Variants in CNOT6L observed in about 807,000 individuals in gnomAD.
CNOT6L encodes the protein CCR4-NOT transcription complex subunit 6 like.
CNOT6L carries 7 observed loss-of-function variants against 64.0 expected under a neutral mutation model. The observed-to-expected ratio is 0.11, with a 90% CI of 0.06 to 0.21. The LOEUF (loss-of-function observed/expected upper bound fraction) is 0.21, where lower values mean the gene tolerates loss of function less well. Among genes scored for constraint, CNOT6L ranks in the 10% least tolerant of loss-of-function variants. The pLI, the probability that CNOT6L is intolerant of heterozygous loss-of-function variation, is 1.00. For missense variants in CNOT6L, 245 were observed against 669.0 expected (o/e 0.37, Z 6.99); for synonymous variants, 193 against 243.4 (o/e 0.79, Z 1.93).
intron 1 of CNOT6L, among the ~76,000 whole-genome samples, chr4:77,789,869 T>A (rs1302509941): frequency 6.7e-6 from 1 of 148,996 alleles, no homozygotes; most frequent in Admixed American, 6.8e-5. Context: ...GGGGATTGCT[T>A]GAGCCCAAGA....
intron 5 of CNOT6L, among the ~76,000 whole-genome samples, chr4:77,752,451 T>C (rs1724961240): frequency 6.6e-6 from 1 of 152,172 alleles, no homozygotes; most frequent in Admixed American, 6.6e-5. Flanking sequence ...TCTTCTCAAG[T>C]GCATACTTAA....
At chr4:77,771,233 A>C (rs888366473) in intron 4 of CNOT6L, among the ~76,000 whole-genome samples, 2 of 152,176 alleles carry the variant, frequency 1.3e-5, no homozygotes, top group African/African-American at 4.8e-5. Context: ...GAATCACTTG[A>C]ACCTGGGAGG....
chr4:77,789,945 CAAAAAAAAAAAAAAAAAAAA>C lies in CNOT6L; in HGVS notation c.6-13573_6-13554del, dbSNP rs58242121. On this transcript the variant is annotated intron_variant, in intron 1 of 11. Transcript: ENST00000504123. ...TAAGCGACAAAGCAAGACACTGTCT[CAAAAAAAAAAAAAAAAAAAA>C]AAAAAAAAAAAAAAATTCATTCCCA... Among the ~76,000 whole-genome samples, 705 of 83,342 alleles carry C rather than the reference CAAAAAAAAAAAAAAAAAAAA, an allele frequency of 8.5e-3. 8 individuals are homozygous for C. The highest frequency in any genetic ancestry group is 8.0e-3 in the Non-Finnish European group (346 of 43,262). 54.7% of individuals were successfully genotyped at this position (83,342 alleles called of 152,430 possible). A position where few individuals can be genotyped will look rare whatever the true frequency, so the allele number is the denominator to read the frequency against.
In CNOT6L at chr4:77,727,028, CA is replaced by C. The variant is rs200622416; in HGVS notation, c.1253-660del. Among the ~76,000 whole-genome samples, 822 of 152,236 alleles carry C rather than the reference CA, an allele frequency of 5.4e-3. 4 individuals carry two copies. Among genetic ancestry groups the C allele is most frequent in the Admixed American group, 0.011 (169 of 15,288 alleles). ...TCCACTGAATTAGCAAACATGAAAA[CA>C]GTATCAAAACCCTTATGATGATTAG... On this transcript the variant is annotated intron_variant, in intron 10 of 11. Coordinates refer to ENST00000504123, the MANE Select transcript of CNOT6L (RefSeq NM_144571.3).
intron 1 of CNOT6L, among the ~76,000 whole-genome samples, chr4:77,810,037 A>T (rs1732736719): frequency 6.6e-6 from 1 of 152,126 alleles, no homozygotes; most frequent in Non-Finnish European, 1.5e-5. Context: ...TTGTATCTGT[A>T]TCAAAATTTT....
intron 1 of CNOT6L, among the ~76,000 whole-genome samples, chr4:77,779,494 ATTC>A (rs1728603211): frequency 6.6e-6 from 1 of 152,098 alleles, no homozygotes; most frequent in African/African-American, 2.4e-5. Flanking sequence ...CTATTTTTTA[ATTC>A]TTCATGTTTC....
Position 77,753,182 on chromosome 4 carries a change from T to G in CNOT6L, c.490+3680A>C, listed in dbSNP as rs938043016. ...AGAAATTAAATCAGTAATTTAAAAC[T>G]TCCTACCAGAAAAAAAAAAAAAACC... On this transcript the variant is annotated intron_variant, in intron 5 of 11. Transcript: ENST00000504123. 3.2e-4 allele frequency among the ~76,000 whole-genome samples: 45 copies of G among 140,718 alleles called. 1 individual carries two copies. The highest frequency in any genetic ancestry group is 1.1e-3 in the African/African-American group (42 of 39,118). 92.3% of individuals were successfully genotyped at this position (140,718 alleles called of 152,430 possible).
chr4:77,815,865 G>GAACTGTCATGAAAGCAAGTA (rs1376889801), intron 1 of CNOT6L, among the ~76,000 whole-genome samples: 1 of 152,082 alleles, frequency 6.6e-6, no homozygotes, highest in African/African-American at 2.4e-5. Flanking sequence ...ACCTGCACTG[G>GAACTGTCATGAAAGCAAGTA]AACTGTCATG....
chr4:77,763,468 A>G (rs1206246773), intron 4 of CNOT6L, among the ~76,000 whole-genome samples: 1 of 152,122 alleles, frequency 6.6e-6, no homozygotes, highest in Non-Finnish European at 1.5e-5. Context: ...GATTATAACA[A>G]TATTAAGTGG....
chr4:77,816,249 C>G (rs898865442), intron 1 of CNOT6L, among the ~76,000 whole-genome samples: 1 of 151,976 alleles, frequency 6.6e-6, no homozygotes, highest in African/African-American at 2.4e-5. Context: ...AATGTTCTTC[C>G]CAATTCTCCC....
intron 4 of CNOT6L, among the ~76,000 whole-genome samples, chr4:77,762,388 A>C (rs1167806420): frequency 6.6e-6 from 1 of 152,180 alleles, no homozygotes; most frequent in African/African-American, 2.4e-5. Context: ...GGGACAGAAT[A>C]GTGTGTTTAG....
intron 8 of CNOT6L, among the ~76,000 whole-genome samples, chr4:77,740,274 G>C (rs1386895139): frequency 6.6e-6 from 1 of 151,950 alleles, no homozygotes; most frequent in Non-Finnish European, 1.5e-5. Context: ...AGGGTGCTGA[G>C]GTGACAGAAT....
Position 77,726,376 on chromosome 4 carries a change from G to T in CNOT6L, c.1253-7C>A. 6.2e-7 allele frequency: 1 copy of T among 1,601,608 alleles called. No individual in the cohort carries two copies. The highest frequency in any genetic ancestry group is 8.5e-7 in the Non-Finnish European group (1 of 1,170,784). On this transcript the variant is annotated splice_region_variant and splice_polypyrimidine_tract_variant and intron_variant, in intron 10 of 11. Coordinates refer to ENST00000504123, the MANE Select transcript of CNOT6L (RefSeq NM_144571.3). Reference sequence around the variant, plus strand: ...CTTAAGTATTCCACAACACCTGGTAGAATAAAGAAGAGACACTTCCATTTA... The same window carrying T: ...CTTAAGTATTCCACAACACCTGGTATAATAAAGAAGAGACACTTCCATTTA...
At chr4:77,816,008 A>T (rs1733531962) in intron 1 of CNOT6L, among the ~76,000 whole-genome samples, 1 of 152,256 alleles carries the variant, frequency 6.6e-6, no homozygotes, top group South Asian at 2.1e-4. Context: ...ACATACAGAA[A>T]TTCCTAAGTA....
intron 1 of CNOT6L, among the ~76,000 whole-genome samples, chr4:77,802,629 A>C (rs541899581): frequency 6.6e-6 from 1 of 152,334 alleles, no homozygotes; most frequent in East Asian, 1.9e-4. Flanking sequence ...GTGAGAGAGA[A>C]AAGAAAACAT....
intron 5 of CNOT6L, among the ~76,000 whole-genome samples, chr4:77,756,102 G>C (rs934961363): frequency 3.3e-5 from 5 of 152,222 alleles, no homozygotes; most frequent in Admixed American, 6.5e-5. Flanking sequence ...TCCTGTCTCA[G>C]CCTCCAGAGA....
chr4:77,795,777 C>A (rs887573933), intron 1 of CNOT6L, among the ~76,000 whole-genome samples: 1 of 152,070 alleles, frequency 6.6e-6, no homozygotes, highest in Non-Finnish European at 1.5e-5. Context: ...CAGTGTGAGA[C>A]TGGACTAATA....
At chr4:77,793,902 G>C (rs1454315216) in intron 1 of CNOT6L, among the ~76,000 whole-genome samples, 1 of 151,956 alleles carries the variant, frequency 6.6e-6, no homozygotes, top group Non-Finnish European at 1.5e-5. Context: ...TGTAATCCCA[G>C]CACTATGGGA....
chr4:77,756,173 G>A (rs992887574), intron 5 of CNOT6L, among the ~76,000 whole-genome samples: 9 of 151,954 alleles, frequency 5.9e-5, no homozygotes, highest in African/African-American at 1.7e-4. Context: ...TAGTAGAGAC[G>A]TTTCACCATG....
Sources: allele counts gnomAD v4.1 joint callset (sites outside exome capture counted in the v4.1 genomes callset), GRCh38; gene constraint gnomAD v4.1.1; transcripts MANE v1.5; gene names NCBI Gene and HGNC (gene_info 2026-07-23, HGNC 2026-07-21).